The following RHCE variants were observed in gnomAD, a reference collection of about 807,000 sequenced individuals.
RHCE encodes the protein blood group Rh(CE) polypeptide.
RHCE carries 22 observed loss-of-function variants against 43.8 expected under a neutral mutation model. The ratio of observed to expected loss-of-function variants is 0.50; its 90% CI spans 0.36 to 0.72. RHCE has a LOEUF of 0.72. Among genes scored for constraint, RHCE ranks in the 30% least tolerant of loss-of-function variants. RHCE has a pLI of 0.00. For synonymous variants in RHCE, 156 were observed against 210.7 expected (o/e 0.74, Z 2.25); for missense variants, 385 against 525.4 (o/e 0.73, Z 2.61).
intron 7 of RHCE, among the ~76,000 whole-genome samples, chr1:25,378,814 T>C (rs1286954613): frequency 1.3e-5 from 2 of 152,160 alleles, no homozygotes; most frequent in Non-Finnish European, 2.9e-5. Context: ...AGGGGAACTG[T>C]GAACAACAAA....
intron 3 of RHCE, among the ~76,000 whole-genome samples, chr1:25,399,785 G>T (rs1646675167): frequency 6.6e-6 from 1 of 152,112 alleles, no homozygotes; most frequent in Non-Finnish European, 1.5e-5. Flanking sequence ...TGAAGATACA[G>T]AAGTTCCATT....
intron 1 of RHCE, 49 bp downstream of exon 1, chr1:25,420,590 C>G: frequency 6.2e-7 from 1 of 1,613,888 alleles, no homozygotes. Context: ...CTCCCCCGCC[C>G]CTGCCCCTGC....
chr1:25,416,914 G>GT (rs200256174), intron 1 of RHCE, among the ~76,000 whole-genome samples: 3,039 of 135,482 alleles, frequency 0.022, 52 homozygotes, highest in African/African-American at 0.05. Context: ...CAGCCAGGGT[G>GT]TTTTTTTTTT....
intron 6 of RHCE, 48 bp downstream of exon 6, chr1:25,388,928 T>C: frequency 6.2e-7 from 1 of 1,614,162 alleles, no homozygotes; most frequent in Non-Finnish European, 8.5e-7. Flanking sequence ...CCCAGCGTCC[T>C]GCTGGCCTTC....
intron 7 of RHCE, among the ~76,000 whole-genome samples, chr1:25,382,676 T>A (rs1356098520): frequency 1.3e-5 from 2 of 152,086 alleles, no homozygotes; most frequent in African/African-American, 2.4e-5. Context: ...ATGTCCCTAT[T>A]TCACAGAGGA....
chr1:25,382,304 C>T (rs1412050286), intron 7 of RHCE, among the ~76,000 whole-genome samples: 3 of 149,366 alleles, frequency 2.0e-5, no homozygotes, highest in Non-Finnish European at 4.4e-5. Flanking sequence ...CTGACTGATG[C>T]TGTTAGAAGT....
At chr1:25,386,954 C>T (rs1047620625) in intron 6 of RHCE, among the ~76,000 whole-genome samples, 3 of 151,978 alleles carry the variant, frequency 2.0e-5, no homozygotes, top group Non-Finnish European at 4.4e-5. Flanking sequence ...TCACTTGAAC[C>T]CAGGAGGTGG....
Position 25,408,548 on chromosome 1 carries a change from C to T in RHCE, c.335+135G>A, listed in dbSNP as rs675936. ...TTTTAAACAATGAATAATCTTTTAG[C>T]ATAAGGATGTCCTAAATATTGCACA... is the stretch of plus-strand genomic sequence containing the variant. On this transcript the variant is annotated intron_variant, in intron 2 of 9. Coordinates refer to ENST00000294413, the MANE Select transcript of RHCE (RefSeq NM_020485.8). The T allele has an allele frequency of 8.7e-5, 63 of 726,536 alleles. 5 individuals carry two copies. The highest frequency in any genetic ancestry group is 6.7e-4 in the African/African-American group (42 of 62,562). The allele number at this position is 726,536 out of a possible 1,614,324, so 45.0% of individuals were successfully genotyped here.
intron 9 of RHCE, 111 bp downstream of exon 9, chr1:25,370,356 T>TC: frequency 1.2e-6 from 1 of 858,530 alleles, no homozygotes; most frequent in Non-Finnish European, 2.0e-6. Context: ...TGCTCCTTAC[T>TC]CCATTTTTGT....
intron 3 of RHCE, 126 bp downstream of exon 3, chr1:25,402,470 C>T (rs548098761): frequency 7.3e-7 from 1 of 1,364,426 alleles, no homozygotes; most frequent in Non-Finnish European, 1.0e-6. Flanking sequence ...AAGTGATCTT[C>T]CCTCCTCAAC....
chr1:25,377,792 C>G (rs578118252), intron 7 of RHCE, among the ~76,000 whole-genome samples: 1 of 152,312 alleles, frequency 6.6e-6, no homozygotes, highest in East Asian at 1.9e-4. Context: ...GTAATCTAAG[C>G]TACTCAGGAG....
chr1:25,415,462 G>C (rs577209711), intron 1 of RHCE, among the ~76,000 whole-genome samples: 16 of 152,272 alleles, frequency 1.1e-4, no homozygotes, highest in South Asian at 2.1e-4. Flanking sequence ...AGACCAGCCT[G>C]ACCAACATGG....
intron 3 of RHCE, among the ~76,000 whole-genome samples, chr1:25,400,875 C>A (rs1172190325): frequency 3.3e-5 from 5 of 152,144 alleles, no homozygotes; most frequent in Non-Finnish European, 7.3e-5. Flanking sequence ...TCCCACCCCA[C>A]GTGCAGTCTA....
chr1:25,383,186 T>A (rs1214670814), intron 7 of RHCE, among the ~76,000 whole-genome samples: 1 of 152,230 alleles, frequency 6.6e-6, no homozygotes, highest in African/African-American at 2.4e-5. Flanking sequence ...GCCATTTCAG[T>A]GTGCCTTCCC....
At chr1:25,385,601 A>G in intron 7 of RHCE, 110 bp downstream of exon 7, 1 of 1,479,234 alleles carries the variant, frequency 6.8e-7, no homozygotes, top group Admixed American at 1.7e-5. Flanking sequence ...ACCGAAGCCT[A>G]CTGAGCACCT....
chr1:25,402,793 TCTCA>T lies in RHCE; in HGVS notation c.336-51_336-48del, dbSNP rs1407576364. ...AGGATGACTGAGAAGGAAGGATGCC[TCTCA>T]CTCATTCATTCATTCATTCATTCAT... On this transcript the variant is annotated intron_variant, in intron 2 of 9. Coordinates refer to ENST00000294413, the MANE Select transcript of RHCE (RefSeq NM_020485.8). The T allele has an allele frequency of 2.5e-6, 4 of 1,606,678 alleles. No individual in the cohort carries two copies. The African/African-American group carries it at 5.4e-5, about 22-fold the overall frequency.
At chr1:25,425,404 C>T (rs2042798037), upstream of RHCE, among the ~76,000 whole-genome samples, 1 of 152,158 alleles carries the variant, frequency 6.6e-6, no homozygotes, top group Non-Finnish European at 1.5e-5. Flanking sequence ...GGCGTGAGTA[C>T]CCAAAGCCAC....
chr1:25,367,978 C>A (rs1645477507), intron 9 of RHCE, among the ~76,000 whole-genome samples: 1 of 149,992 alleles, frequency 6.7e-6, no homozygotes, highest in Non-Finnish European at 1.5e-5. Context: ...CTGTCTCAAA[C>A]AAAAAAATTA....
chr1:25,429,469 A>T (rs1557652609), intron 1 of RHCE, among the ~76,000 whole-genome samples: 1 of 152,148 alleles, frequency 6.6e-6, no homozygotes, highest in Non-Finnish European at 1.5e-5. Flanking sequence ...GGGAAGTTTT[A>T]AAAATGCACT....
Sources: gnomAD v4.1 joint callset for allele counts (sites outside exome capture counted in the v4.1 genomes callset) on GRCh38, gnomAD v4.1.1 for gene constraint, MANE v1.5 for transcripts, NCBI Gene and HGNC (gene_info 2026-07-23, HGNC 2026-07-21) for gene names.